Variants in ZNF827 observed in about 807,000 individuals in gnomAD.
The protein encoded by ZNF827 is zinc finger protein 827.
Under a neutral mutation model 102.4 loss-of-function variants are expected in ZNF827, and 13 were observed. The ratio of observed to expected loss-of-function variants is 0.13; its 90% CI spans 0.08 to 0.20. ZNF827 has a LOEUF of 0.20. Among genes scored for constraint, ZNF827 ranks in the 10% least tolerant of loss-of-function variants. ZNF827 has a pLI of 1.00. For missense variants in ZNF827, 1,103 were observed against 1,344.4 expected (o/e 0.82, Z 2.81); for synonymous variants, 523 against 536.2 (o/e 0.98, Z 0.34).
chr4:145,864,577 G>A (rs1261747542), intron 5 of ZNF827, among the ~76,000 whole-genome samples: 1 of 151,864 alleles, frequency 6.6e-6, no homozygotes, highest in Non-Finnish European at 1.5e-5. Context: ...CTGGGTGACT[G>A]AGCAAGACCC....
At chr4:145,903,304 C>G in intron 1 of ZNF827, 89 bp from the exon 2 acceptor site, 2 of 1,483,098 alleles carry the variant, frequency 1.3e-6, no homozygotes. Flanking sequence ...GACATGCTTT[C>G]TCTTCCCTTC....
At chr4:145,933,125 A>G (rs1319977427) in intron 1 of ZNF827, among the ~76,000 whole-genome samples, 2 of 152,246 alleles carry the variant, frequency 1.3e-5, no homozygotes, top group African/African-American at 4.8e-5. Flanking sequence ...ATTAGAAACT[A>G]TTTTGAAGCA....
intron 13 of ZNF827, 49 bp downstream of exon 13, chr4:145,764,939 G>A (rs747455986): frequency 6.2e-7 from 1 of 1,608,188 alleles, no homozygotes; most frequent in Non-Finnish European, 8.5e-7. Context: ...GAAGGGGAAA[G>A]GGTATTTAAT....
intron 5 of ZNF827, among the ~76,000 whole-genome samples, chr4:145,858,269 A>G (rs367962289): frequency 6.6e-6 from 1 of 152,208 alleles, no homozygotes; most frequent in East Asian, 1.9e-4. Context: ...TTTAATAAAG[A>G]TGTTTTTCAA....
chr4:145,930,304 T>C (rs1227601722), intron 1 of ZNF827, among the ~76,000 whole-genome samples: 1 of 152,164 alleles, frequency 6.6e-6, no homozygotes, highest in Non-Finnish European at 1.5e-5. Flanking sequence ...CCTTCTTCAG[T>C]CTCCTTTGAA....
intron 5 of ZNF827, among the ~76,000 whole-genome samples, chr4:145,862,940 A>C (rs1365376815): frequency 6.6e-6 from 1 of 152,234 alleles, no homozygotes. Context: ...AAATAATATC[A>C]TTAAGAAAAC....
intron 5 of ZNF827, among the ~76,000 whole-genome samples, chr4:145,858,694 T>G (rs887448749): frequency 6.7e-6 from 1 of 149,124 alleles, no homozygotes; most frequent in Non-Finnish European, 1.5e-5. Flanking sequence ...TCCTGAAAGA[T>G]TCAGTAGAAT....
intron 7 of ZNF827, chr4:145,833,064 T>G (rs1306369449): frequency 6.9e-5 from 14 of 202,882 alleles, no homozygotes; most frequent in Non-Finnish European, 1.4e-4. Flanking sequence ...CAATCCCCTG[T>G]CCTCCTGTTC....
intron 3 of ZNF827, among the ~76,000 whole-genome samples, chr4:145,886,980 C>T (rs889608502): frequency 6.6e-6 from 1 of 152,260 alleles, no homozygotes; most frequent in African/African-American, 2.4e-5. Flanking sequence ...GAAATCATTG[C>T]ATTGGCCTGA....
At position 145,810,377 on chromosome 4, in the gene ZNF827, T is replaced by A. The variant is rs59831926; in HGVS notation, c.2383+13045A>T. Among the ~76,000 whole-genome samples the A allele has an allele frequency of 3.0e-3, 436 of 147,392 alleles. 1 individual carries two copies. The highest frequency in any genetic ancestry group is 0.01 in the African/African-American group (407 of 40,280). On this transcript the variant is annotated intron_variant, in intron 8 of 14. Transcript: ENST00000508784. ...TTATTATATGAGTAAAGGCCAATTC[T>A]AAAAAAAAAAAGTGACTTGAACACA... is the stretch of plus-strand genomic sequence containing the variant.
rs1483104786 is a variant in ZNF827, at chr4:145,763,544, C to T, written c.3231-422G>A. 6.6e-6 allele frequency among the ~76,000 whole-genome samples: 1 copy of T among 152,198 alleles called. No homozygotes were observed. The highest frequency in any genetic ancestry group is 1.5e-5 in the Non-Finnish European group (1 of 68,042). On this transcript the variant is annotated intron_variant, in intron 13 of 14. Transcript: ENST00000508784. The surrounding 1 kb of genome is among the most constrained non-coding windows in gnomAD (Gnocchi z 4.6). Reference sequence around the variant, plus strand: ...AAAGCATCAGAATTCACTGTGCATTCTCCCCAATGGCTTCAGAGGCTGGGG... The same window carrying T: ...AAAGCATCAGAATTCACTGTGCATTTTCCCCAATGGCTTCAGAGGCTGGGG...
chr4:145,827,957 G>T (rs1376358480), intron 7 of ZNF827, among the ~76,000 whole-genome samples: 1 of 152,174 alleles, frequency 6.6e-6, no homozygotes, highest in African/African-American at 2.4e-5. Context: ...GTGACACCCA[G>T]CTTTGCGGTG....
rs1053446756 is a variant in ZNF827, at chr4:145,759,420, A to G, written c.*2196T>C. On this transcript the variant is annotated 3_prime_UTR_variant, in exon 15 of 15. Coordinates refer to ENST00000508784, the MANE Select transcript of ZNF827 (RefSeq NM_001306215.2). ...ATGACCACAAAATAAGAGCTTTTAAATAAGTATAAAGTTAGCCTCCTAGCA... is the reference window on the plus strand; with the variant it reads ...ATGACCACAAAATAAGAGCTTTTAAGTAAGTATAAAGTTAGCCTCCTAGCA... The G allele has an allele frequency of 2.0e-5, 3 of 152,350 alleles. No homozygotes were observed. Among genetic ancestry groups the G allele is most frequent in the African/African-American group, 4.8e-5 (2 of 41,580 alleles). 9.4% of individuals were successfully genotyped at this position (152,350 alleles called of 1,614,324 possible).
intron 4 of ZNF827, among the ~76,000 whole-genome samples, chr4:145,875,369 G>A (rs992936162): frequency 6.6e-6 from 1 of 152,154 alleles, no homozygotes; most frequent in Non-Finnish European, 1.5e-5. Context: ...TTGGCTCAGA[G>A]TTTCTCACTG....
intron 2 of ZNF827, among the ~76,000 whole-genome samples, chr4:145,893,659 T>A (rs1228329317): frequency 1.3e-5 from 2 of 152,206 alleles, no homozygotes; most frequent in African/African-American, 4.8e-5. Context: ...CTAAAACCAC[T>A]AATTAATCTT....
chr4:145,836,487 ATT>A (rs1483310166), intron 7 of ZNF827, among the ~76,000 whole-genome samples: 1 of 152,130 alleles, frequency 6.6e-6, no homozygotes, highest in Admixed American at 6.5e-5. Context: ...TCCAAAATGT[ATT>A]GTCTTCCTCA....
rs376271777 is a variant in ZNF827 at position 145,886,193 on chromosome 4, G to A, written c.1267-35C>T. 1.5e-4 allele frequency: 236 copies of A among 1,545,368 alleles called. No homozygotes were observed. The African/African-American group carries it at 2.5e-3, about 17-fold the overall frequency. On this transcript the variant is annotated intron_variant, in intron 3 of 14. Coordinates refer to ENST00000508784, the MANE Select transcript of ZNF827 (RefSeq NM_001306215.2). ...AAGCAAGAAGAATGAGCTAGCCACC[G>A]TGCATTTATGGAAAATGCCTTGCTG...
intron 11 of ZNF827, among the ~76,000 whole-genome samples, chr4:145,766,934 G>A (rs576216205): frequency 5.3e-5 from 8 of 152,142 alleles, no homozygotes; most frequent in South Asian, 2.1e-4. Flanking sequence ...CCAAAGGAAC[G>A]AGGTTTCCAG....
intron 1 of ZNF827, among the ~76,000 whole-genome samples, chr4:145,936,854 GC>G (rs1197115434): frequency 6.6e-6 from 1 of 152,064 alleles, no homozygotes; most frequent in Admixed American, 6.5e-5. Context: ...CCCGCCCCCA[GC>G]CCGGGTTTTG....
Sources: allele counts gnomAD v4.1 joint callset (sites outside exome capture counted in the v4.1 genomes callset), GRCh38; gene constraint gnomAD v4.1.1; non-coding constraint Gnocchi (gnomAD v3.1); transcripts MANE v1.5; gene names NCBI Gene and HGNC (gene_info 2026-07-23, HGNC 2026-07-21).